The following MARCHF4 variants were observed in gnomAD, a reference collection of about 807,000 sequenced individuals.
MARCHF4 encodes the protein membrane associated ring-CH-type finger 4.
MARCHF4 carries 14 observed loss-of-function variants against 43.9 expected under a neutral mutation model. That is an observed-to-expected ratio of 0.32 (90% CI 0.21 to 0.50). The LOEUF (loss-of-function observed/expected upper bound fraction) is 0.50. MARCHF4 is among the 20% of genes least tolerant of loss of function. MARCHF4 has a pLI of 0.98. For synonymous variants in MARCHF4, 226 were observed against 213.3 expected (o/e 1.06, Z -0.52); for missense variants, 468 against 536.7 (o/e 0.87, Z 1.27).
At chr2:216,356,640 T>C (rs1224590186) in intron 1 of MARCHF4, among the ~76,000 whole-genome samples, 1 of 152,206 alleles carries the variant, frequency 6.6e-6, no homozygotes, top group African/African-American at 2.4e-5. Context: ...TAATTCACAA[T>C]TATTCCAAGT....
At chr2:216,296,496 C>A (rs72942691) in intron 1 of MARCHF4, among the ~76,000 whole-genome samples, 6,281 of 152,320 alleles carry the variant, frequency 0.041, 171 homozygotes, top group Middle Eastern at 0.13. Flanking sequence ...CAAACAGCAT[C>A]TCCTCTCCTT....
chr2:216,353,028 T>C (rs1189006080), intron 1 of MARCHF4, among the ~76,000 whole-genome samples: 1 of 152,204 alleles, frequency 6.6e-6, no homozygotes, highest in East Asian at 1.9e-4. Context: ...GATATCACAG[T>C]TTAAATAAAA....
intron 1 of MARCHF4, among the ~76,000 whole-genome samples, chr2:216,362,175 A>G (rs912851663): frequency 1.3e-5 from 2 of 152,294 alleles, no homozygotes; most frequent in Admixed American, 1.3e-4. Context: ...GATCACTATG[A>G]TTACCAGGAC....
intron 1 of MARCHF4, among the ~76,000 whole-genome samples, chr2:216,345,913 A>G (rs1467856657): frequency 2.6e-5 from 4 of 151,898 alleles, no homozygotes; most frequent in Non-Finnish European, 5.9e-5. Flanking sequence ...GGTCTCCGAG[A>G]TCACACCTCC....
chr2:216,278,012 G>T, intron 2 of MARCHF4, 148 bp from the exon 3 acceptor site: 1 of 658,436 alleles, frequency 1.5e-6, no homozygotes, highest in Non-Finnish European at 2.4e-6. Context: ...GCATTTTGCA[G>T]GTTTCTGAAT....
chr2:216,299,322 C>T (rs1691450178), intron 1 of MARCHF4, among the ~76,000 whole-genome samples: 2 of 152,164 alleles, frequency 1.3e-5, no homozygotes, highest in Non-Finnish European at 2.9e-5. Flanking sequence ...GTGGAACTGA[C>T]AGATGACAGG....
chr2:216,359,726 G>A (rs1288511336), intron 1 of MARCHF4, among the ~76,000 whole-genome samples: 2 of 152,126 alleles, frequency 1.3e-5, no homozygotes, highest in Non-Finnish European at 2.9e-5. Context: ...TGCCTTTCAC[G>A]CTGAGACCCC....
chr2:216,307,324 A>G (rs1691603848), intron 1 of MARCHF4, among the ~76,000 whole-genome samples: 2 of 152,206 alleles, frequency 1.3e-5, no homozygotes, highest in South Asian at 4.2e-4. Flanking sequence ...GCACATCCAG[A>G]CAGTTTCCTT....
chr2:216,304,371 G>A (rs907358253), intron 1 of MARCHF4, among the ~76,000 whole-genome samples: 2 of 152,098 alleles, frequency 1.3e-5, no homozygotes, highest in African/African-American at 4.8e-5. Context: ...GACTTCACAG[G>A]ATATGAATAC....
intron 1 of MARCHF4, among the ~76,000 whole-genome samples, chr2:216,333,569 G>A (rs1036598413): frequency 6.6e-6 from 1 of 152,184 alleles, no homozygotes; most frequent in African/African-American, 2.4e-5. Flanking sequence ...TATGTGGTAG[G>A]TGCCACGAAA....
chr2:216,304,328 T>C (rs933291267), intron 1 of MARCHF4, among the ~76,000 whole-genome samples: 4 of 152,194 alleles, frequency 2.6e-5, no homozygotes. Flanking sequence ...GTCTCTATCT[T>C]GATTTCTTAT....
chr2:216,263,877 T>A (rs1014615391), intron 3 of MARCHF4, among the ~76,000 whole-genome samples: 14 of 151,970 alleles, frequency 9.2e-5, no homozygotes, highest in East Asian at 3.9e-4. Flanking sequence ...CCGGCTCAGA[T>A]GTAGGGATGA....
intron 1 of MARCHF4, among the ~76,000 whole-genome samples, chr2:216,289,243 C>A (rs1217386173): frequency 5.3e-5 from 7 of 131,464 alleles, no homozygotes; most frequent in African/African-American, 5.5e-5. Flanking sequence ...ACCCGCCCCC[C>A]ACCCAAGTTG....
At chr2:216,285,665 T>C (rs83610) in intron 1 of MARCHF4, among the ~76,000 whole-genome samples, 85,403 of 152,034 alleles carry the variant, frequency 0.56, 24,090 homozygotes, top group South Asian at 0.65. Flanking sequence ...CGTTGCTGGG[T>C]ATTTGGCACA....
chr2:216,327,838 C>T (rs1351555707), intron 1 of MARCHF4, among the ~76,000 whole-genome samples: 2 of 151,936 alleles, frequency 1.3e-5, no homozygotes, highest in Non-Finnish European at 2.9e-5. Flanking sequence ...CATTGTTCTA[C>T]AGGTGTGAAA....
chr2:216,314,043 G>C (rs545766548), intron 1 of MARCHF4, among the ~76,000 whole-genome samples: 39 of 152,070 alleles, frequency 2.6e-4, no homozygotes, highest in Non-Finnish European at 4.4e-4. Context: ...CAGGTGAAAG[G>C]GGATTATAAG....
At chr2:216,341,866 C>G (rs1003560275) in intron 1 of MARCHF4, among the ~76,000 whole-genome samples, 2 of 152,142 alleles carry the variant, frequency 1.3e-5, no homozygotes, top group African/African-American at 4.8e-5. Context: ...GGTGGAATCC[C>G]AGATAGCAGC....
intron 1 of MARCHF4, among the ~76,000 whole-genome samples, chr2:216,305,512 G>C (rs1245792040): frequency 6.6e-6 from 1 of 152,130 alleles, no homozygotes; most frequent in East Asian, 1.9e-4. Context: ...AAATTTCAGA[G>C]GCAAGAAGAA....
intron 1 of MARCHF4, among the ~76,000 whole-genome samples, chr2:216,359,875 T>C (rs187058610): frequency 6.6e-6 from 1 of 152,340 alleles, no homozygotes; most frequent in East Asian, 1.9e-4. Context: ...AATTGAACTC[T>C]GCCAGCACTG....
Sources: allele counts gnomAD v4.1 joint callset (sites outside exome capture counted in the v4.1 genomes callset), GRCh38; gene constraint gnomAD v4.1.1; transcripts MANE v1.5; gene names NCBI Gene and HGNC (gene_info 2026-07-23, HGNC 2026-07-21).